Variants in PFKFB2 observed in about 807,000 individuals in gnomAD.
The protein encoded by PFKFB2 is 6-phosphofructo-2-kinase/fructose-2,6-biphosphatase 2, also known as 6-phosphofructo-2-kinase/fructose-2,6-bisphosphatase 2.
In PFKFB2, 53 loss-of-function variants were observed where a neutral mutation model predicts 68.0. That is an observed-to-expected ratio of 0.78 (90% CI 0.63 to 0.98). The LOEUF (loss-of-function observed/expected upper bound fraction) is 0.98. Among genes scored for constraint, PFKFB2 ranks in the 50% least tolerant of loss-of-function variants. The pLI is 0.00. For synonymous variants in PFKFB2, 222 were observed against 227.6 expected, an observed-to-expected ratio of 0.98 and a Z score of 0.22; for missense variants, 451 against 642.0, an observed-to-expected ratio of 0.70 and a Z score of 3.22.
In PFKFB2 at chr1:207,072,210, T is replaced by C. The variant is rs1683484345; in HGVS notation, c.1357T>C (p.Phe453Leu). 3.1e-6 allele frequency: 5 copies of C among 1,613,678 alleles called. No individual in the cohort carries two copies. The East Asian group carries it at 1.1e-4, about 36-fold the overall frequency. Reference sequence around the variant, plus strand: ...TCACTCCATTTCCAATCAGAACAACTTCCCCAAGAACCAAACCCCTGTAAG... The same window carrying C: ...TCACTCCATTTCCAATCAGAACAACCTCCCCAAGAACCAAACCCCTGTAAG... ...NTHRDKPTNN[F>L]PKNQTPVRMR... The change falls in exon 15 of 15, where the codon TTC becomes CTC. Residue 453 changes from phenylalanine (F) to leucine (L), a missense_variant. Transcript: ENST00000367080.
chr1:207,051,041 T>G (rs1325439870), upstream of PFKFB2: 8 of 1,491,052 alleles, frequency 5.4e-6, no homozygotes, highest in East Asian at 2.0e-4. Flanking sequence ...CGCGAGAAGT[T>G]GCGGGTGGTT....
upstream of PFKFB2, chr1:207,049,176 T>G (rs144995332): frequency 6.2e-7 from 1 of 1,614,096 alleles, no homozygotes; most frequent in South Asian, 1.1e-5. Flanking sequence ...CTAATTCCAG[T>G]GCTTGTACAA....
chr1:207,055,414 T>A (rs1369373782), intron 2 of PFKFB2, among the ~76,000 whole-genome samples: 1 of 152,158 alleles, frequency 6.6e-6, no homozygotes, highest in Non-Finnish European at 1.5e-5. Context: ...TCTATGCCTG[T>A]CTTTTAGATA....
chr1:207,069,447 T>G lies in PFKFB2; in HGVS notation c.1011T>G (p.Tyr337Ter). Reference sequence around the variant, plus strand: ...AGGGTGTGTGTGAAGAGATGACCTATGCAGAGATTGAGAAACGGTACCCAG... The same window carrying G: ...AGGGTGTGTGTGAAGAGATGACCTAGGCAGAGATTGAGAAACGGTACCCAG... The part of the protein sequence containing the change: ...IDAGVCEEMT[Y>*]AEIEKRYPEE... Residue 337 changes from tyrosine (Y) to a stop codon, truncating the protein, a stop_gained, in exon 11 of 15, where the codon TAT becomes TAG. Coordinates refer to ENST00000367080, the MANE Select transcript of PFKFB2 (RefSeq NM_006212.2). LOFTEE classifies it high-confidence loss of function. 1.2e-6 allele frequency: 2 copies of G among 1,613,956 alleles called. No individual in the cohort carries two copies. Among genetic ancestry groups the G allele is most frequent in the Non-Finnish European group, 1.7e-6 (2 of 1,179,830 alleles).
In PFKFB2 at chr1:207,077,208, C is replaced by T; in HGVS notation, c.*4837C>T. The T allele has an allele frequency of 1.0e-6, 1 of 985,360 alleles. No individual in the cohort carries two copies. The highest frequency in any genetic ancestry group is 1.2e-6 in the Non-Finnish European group (1 of 829,906). The allele number at this position is 985,360 out of a possible 1,614,324, so 61.0% of individuals were successfully genotyped here. On this transcript the variant is annotated 3_prime_UTR_variant, in exon 15 of 15. Transcript: ENST00000367080. ...TTCATTTCTGAAGCTTCTGTGTCCC[C>T]AGCTTACCCTGTTCTGAAATGTTGT...
upstream of PFKFB2, among the ~76,000 whole-genome samples, chr1:207,049,932 G>T (rs77477276): frequency 6.6e-6 from 1 of 152,144 alleles, no homozygotes; most frequent in Non-Finnish European, 1.5e-5. Flanking sequence ...AACACTTGAG[G>T]TTGCATCCCA....
intron 14 of PFKFB2, 111 bp from the exon 15 acceptor site, chr1:207,072,093 A>T (rs1683481440): frequency 4.6e-6 from 7 of 1,523,996 alleles, no homozygotes; most frequent in Non-Finnish European, 6.2e-6. Context: ...CCCTGTGTGC[A>T]GAGGAGCAGG....
chr1:207,061,109 C>A (rs1240699021), intron 2 of PFKFB2, among the ~76,000 whole-genome samples: 5,287 of 79,542 alleles, frequency 0.066, 922 homozygotes, highest in African/African-American at 0.24. Flanking sequence ...TTATATATAT[C>A]TATATATCTT....
chr1:207,070,867 T>A lies in PFKFB2; in HGVS notation c.1223-321T>A. On this transcript the variant is annotated intron_variant, in intron 12 of 14. Coordinates refer to ENST00000367080, the MANE Select transcript of PFKFB2 (RefSeq NM_006212.2). The surrounding 1 kb of genome is among the most constrained non-coding windows in gnomAD (Gnocchi z 4.2). ...ATTGTGGATGCTGAGCTCAGCATCC[T>A]GAGCTGCTTGGAAGCTGTTGTGGTC... is the stretch of plus-strand genomic sequence containing the variant. 3.2e-6 allele frequency: 1 copy of A among 312,958 alleles called. No individual in the cohort carries two copies. Among genetic ancestry groups the A allele is most frequent in the Non-Finnish European group, 6.0e-6 (1 of 166,124 alleles). 19.4% of individuals were successfully genotyped at this position (312,958 alleles called of 1,614,324 possible). A position where few individuals can be genotyped will look rare whatever the true frequency, so the allele number is the denominator to read the frequency against.
In PFKFB2 at chr1:207,061,995, T is replaced by G. The variant is rs767982799; in HGVS notation, c.128T>G (p.Met43Arg). The G allele has an allele frequency of 1.9e-6, 3 of 1,614,126 alleles. No individual in the cohort carries two copies. The East Asian group carries it at 6.7e-5, about 36-fold the overall frequency. ...YMTNSPTLIV[M>R]IGLPARGKTY... ...ACCAACTCCCCGACTCTGATCGTTA[T>G]GATTGGTTTGCCAGCCCGGGGTAAA... Residue 43 changes from methionine to arginine, a missense_variant, in exon 3 of 15, where the codon ATG (methionine) becomes AGG (arginine). By Grantham distance (91) the Met-to-Arg change is moderately conservative. Transcript: ENST00000367080.
chr1:207,057,756 G>C (rs1682973946), intron 2 of PFKFB2, among the ~76,000 whole-genome samples: 1 of 152,098 alleles, frequency 6.6e-6, no homozygotes, highest in African/African-American at 2.4e-5. Flanking sequence ...ATTCTGTTCA[G>C]CTGCCATTTC....
At chr1:207,038,106 C>T (rs1682412291) in intron 1 of PFKFB2, among the ~76,000 whole-genome samples, 1 of 152,160 alleles carries the variant, frequency 6.6e-6, no homozygotes, top group African/African-American at 2.4e-5. Context: ...CAATCTGATG[C>T]CTTCCTTAAA....
chr1:207,080,570 C>T (rs1683735846), downstream of PFKFB2: 1 of 152,146 alleles, frequency 6.6e-6, no homozygotes, highest in Non-Finnish European at 1.5e-5. Context: ...CTCTCTGCAT[C>T]GAAAACTGTC....
chr1:207,073,519 TCAAAA>T lies in PFKFB2; in HGVS notation c.*1154_*1158del, dbSNP rs1683529414. On this transcript the variant is annotated 3_prime_UTR_variant, in exon 15 of 15. Coordinates refer to ENST00000367080, the MANE Select transcript of PFKFB2 (RefSeq NM_006212.2). ...CACTGTCCTTAAGAAGAAAGAAACATCAAAACAAAATAGTTTTTACATGACCATTT... is the reference window on the plus strand; with the variant it reads ...CACTGTCCTTAAGAAGAAAGAAACATCAAAATAGTTTTTACATGACCATTT... 4 of 985,310 alleles carry T rather than the reference TCAAAA, an allele frequency of 4.1e-6. No homozygotes were observed. Among genetic ancestry groups the T allele is most frequent in the Non-Finnish European group, 4.8e-6 (4 of 829,814 alleles). The allele number at this position is 985,310 out of a possible 1,614,324, so 61.0% of individuals were successfully genotyped here.
chr1:207,052,411 C>T, upstream of PFKFB2: 1 of 546,126 alleles, frequency 1.8e-6, no homozygotes. Context: ...CCTGTAATCC[C>T]AGCACTTTGG....
intron 14 of PFKFB2, 145 bp from the exon 15 acceptor site, chr1:207,072,059 C>T: frequency 3.6e-6 from 5 of 1,378,434 alleles, no homozygotes; most frequent in Non-Finnish European, 4.9e-6. Context: ...GGAGGCCAGG[C>T]CATGGGCCAT....
At chr1:207,049,186 A>G, upstream of PFKFB2, 1 of 1,614,148 alleles carries the variant, frequency 6.2e-7, no homozygotes, top group Non-Finnish European at 8.5e-7. Context: ...TGCTTGTACA[A>G]GAACAATATC....
upstream of PFKFB2, chr1:207,049,491 G>A (rs115190692): frequency 7.4e-6 from 12 of 1,614,096 alleles, no homozygotes; most frequent in East Asian, 2.2e-5. Flanking sequence ...AGTCTGGATC[G>A]CTTGCTACAA....
chr1:207,058,112 G>C (rs1412600285), intron 2 of PFKFB2, among the ~76,000 whole-genome samples: 1 of 152,198 alleles, frequency 6.6e-6, no homozygotes, highest in Non-Finnish European at 1.5e-5. Context: ...ATCAACTATA[G>C]CCATAGTGGT....
Sources: allele counts gnomAD v4.1 joint callset (sites outside exome capture counted in the v4.1 genomes callset), GRCh38; gene constraint gnomAD v4.1.1; non-coding constraint Gnocchi (gnomAD v3.1); transcripts MANE v1.5; gene names NCBI Gene and HGNC (gene_info 2026-07-23, HGNC 2026-07-21).